FARP1: variants seen among roughly 807,000 people sequenced by gnomAD.
FARP1 encodes FERM, ARH/RhoGEF and pleckstrin domain protein 1.
A neutral mutation model predicts 128.8 loss-of-function variants in FARP1; 52 were observed. That is an observed-to-expected ratio of 0.40 (90% CI 0.32 to 0.51). The LOEUF is 0.51. Among genes scored for constraint, FARP1 ranks in the 20% least tolerant of loss-of-function variants. The pLI is 0.45. For missense variants in FARP1, 1,333 were observed against 1,367.9 expected, an observed-to-expected ratio of 0.97 and a Z score of 0.40; for synonymous variants, 580 against 551.8, an observed-to-expected ratio of 1.05 and a Z score of -0.72.
At chr13:98,238,961 T>C (rs1882606666) in intron 2 of FARP1, among the ~76,000 whole-genome samples, 3 of 152,138 alleles carry the variant, frequency 2.0e-5, no homozygotes, top group African/African-American at 7.2e-5. Context: ...ACTAACCCAC[T>C]TAGCATGCGT....
chr13:98,325,756 G>A (rs1189512863), intron 2 of FARP1, among the ~76,000 whole-genome samples: 1 of 152,232 alleles, frequency 6.6e-6, no homozygotes, highest in Non-Finnish European at 1.5e-5. Flanking sequence ...TCTGCATGGA[G>A]TTGTCATAAG....
chr13:98,439,829 C>T, intron 21 of FARP1, 132 bp from the exon 22 acceptor site: 1 of 652,904 alleles, frequency 1.5e-6, no homozygotes, highest in South Asian at 2.3e-5. Context: ...CCTTCTCCCT[C>T]TGTGGGGCTC....
chr13:98,256,948 G>T (rs1036549234), intron 2 of FARP1, among the ~76,000 whole-genome samples: 53 of 77,010 alleles, frequency 6.9e-4, no homozygotes, highest in Admixed American at 1.2e-3. Flanking sequence ...TATATATGTG[G>T]ATATATATAT....
chr13:98,421,432 C>T (rs541216916), intron 16 of FARP1, among the ~76,000 whole-genome samples: 1 of 152,160 alleles, frequency 6.6e-6, no homozygotes, highest in African/African-American at 2.4e-5. Flanking sequence ...CAGAATCCTC[C>T]CCATTTCTTC....
chr13:98,279,735 G>T (rs1884841378), intron 2 of FARP1, among the ~76,000 whole-genome samples: 1 of 152,178 alleles, frequency 6.6e-6, no homozygotes, highest in African/African-American at 2.4e-5. Context: ...CATATACCCT[G>T]GTAGGTGGGT....
chr13:98,295,082 CACACACACACACACACACACACATAT>C lies in FARP1; in HGVS notation c.172-48678_172-48653del, dbSNP rs1461855270. Among the ~76,000 whole-genome samples the C allele has an allele frequency of 1.3e-3, 121 of 90,518 alleles. 2 individuals are homozygous for C. The highest frequency in any genetic ancestry group is 2.7e-3 in the South Asian group (6 of 2,220). 59.4% of individuals were successfully genotyped at this position (90,518 alleles called of 152,430 possible). The stretch of plus-strand genomic sequence containing the variant: ...ACACACACACACACACACACACACA[CACACACACACACACACACACACATAT>C]ATCCCCAGGCATTATTTATTTATTT... On this transcript the variant is annotated intron_variant, in intron 2 of 26. Transcript: ENST00000319562.
At chr13:98,315,849 G>T (rs1256283076) in intron 2 of FARP1, among the ~76,000 whole-genome samples, 1 of 152,162 alleles carries the variant, frequency 6.6e-6, no homozygotes, top group African/African-American at 2.4e-5. Context: ...CGCTTCCAAA[G>T]GTGAGTTACA....
chr13:98,183,880 C>G (rs1271555591), intron 1 of FARP1, among the ~76,000 whole-genome samples: 2 of 152,148 alleles, frequency 1.3e-5, no homozygotes, highest in Non-Finnish European at 2.9e-5. Flanking sequence ...TCTCTCACAG[C>G]CAGTCCCCTT....
At chr13:98,340,299 G>T (rs939024282) in intron 2 of FARP1, among the ~76,000 whole-genome samples, 3 of 152,128 alleles carry the variant, frequency 2.0e-5, no homozygotes, top group African/African-American at 7.2e-5. Flanking sequence ...ACTGGAATGT[G>T]TTCTTCCTTT....
chr13:98,144,893 G>A (rs1875404696), intron 1 of FARP1, among the ~76,000 whole-genome samples: 1 of 152,110 alleles, frequency 6.6e-6, no homozygotes, highest in African/African-American at 2.4e-5. Context: ...CTTTCGGATG[G>A]GTTGGTCTCC....
At chr13:98,217,944 C>T (rs1881182701) in intron 2 of FARP1, among the ~76,000 whole-genome samples, 1 of 152,108 alleles carries the variant, frequency 6.6e-6, no homozygotes, top group Admixed American at 6.6e-5. Context: ...GGAAGAGCTT[C>T]TGAGTCCCTT....
chr13:98,161,035 T>A (rs1876846124), intron 1 of FARP1, among the ~76,000 whole-genome samples: 1 of 152,042 alleles, frequency 6.6e-6, no homozygotes, highest in South Asian at 2.1e-4. Flanking sequence ...AGTTTTAGGT[T>A]CTCAGCAAAA....
At chr13:98,446,910 C>A in intron 26 of FARP1, 93 bp downstream of exon 26, 2 of 1,336,380 alleles carry the variant, frequency 1.5e-6, no homozygotes, top group Non-Finnish European at 2.1e-6. Context: ...GTGAGATGGC[C>A]CCACCCTTCC....
chr13:98,166,868 C>T (rs1045949540), intron 1 of FARP1, among the ~76,000 whole-genome samples: 4 of 151,886 alleles, frequency 2.6e-5, no homozygotes, highest in African/African-American at 9.7e-5. Context: ...AGACTATAGG[C>T]GTGCACTACC....
rs1165768850 is a variant in FARP1, at chr13:98,294,878, G to A, written c.172-48884G>A. On this transcript the variant is annotated intron_variant, in intron 2 of 26. Transcript: ENST00000319562. ...CTAAAAATACAAAAATTAGCTGGGC[G>A]TGGTGGAGGGCACCTGTAATTCCAG... 5.9e-5 allele frequency among the ~76,000 whole-genome samples: 9 copies of A among 151,970 alleles called. No homozygotes were observed. In the East Asian group the frequency reaches 7.8e-4, roughly 13 times the overall value.
At chr13:98,317,377 A>T (rs555207728) in intron 2 of FARP1, among the ~76,000 whole-genome samples, 1 of 152,316 alleles carries the variant, frequency 6.6e-6, no homozygotes, top group East Asian at 1.9e-4. Flanking sequence ...CGCCTGCCTC[A>T]GCTTCCTGAG....
intron 2 of FARP1, among the ~76,000 whole-genome samples, chr13:98,298,527 A>T (rs905968258): frequency 1.1e-4 from 16 of 151,990 alleles, no homozygotes; most frequent in African/African-American, 2.4e-4. Flanking sequence ...AATCAGCTTA[A>T]TTTTTTTCCC....
chr13:98,277,107 A>AACACACACACACACAC (rs1566824104), intron 2 of FARP1, among the ~76,000 whole-genome samples: 3 of 15,256 alleles, frequency 2.0e-4, no homozygotes, highest in Non-Finnish European at 4.3e-4. Context: ...GCTCTAGAAA[A>AACACACACACACACAC]ATACACACAC....
At chr13:98,272,893 T>C (rs1426011063) in intron 2 of FARP1, among the ~76,000 whole-genome samples, 2 of 152,218 alleles carry the variant, frequency 1.3e-5, no homozygotes, top group Non-Finnish European at 2.9e-5. Context: ...TGTTCAATTT[T>C]GTCAAAAGCT....
Sources: allele counts gnomAD v4.1 joint callset (sites outside exome capture counted in the v4.1 genomes callset), GRCh38; gene constraint gnomAD v4.1.1; transcripts MANE v1.5; gene names NCBI Gene and HGNC (gene_info 2026-07-23, HGNC 2026-07-21).